Variants in PGBD5 observed in about 807,000 individuals in gnomAD.
The protein encoded by PGBD5 is piggyBac transposable element derived 5.
Under a neutral mutation model 47.9 loss-of-function variants are expected in PGBD5, and 14 were observed. The observed-to-expected ratio is 0.29, with a 90% CI of 0.19 to 0.46. PGBD5 has a LOEUF of 0.46. Among genes scored for constraint, PGBD5 ranks in the 20% least tolerant of loss-of-function variants. The pLI is 1.00. For synonymous variants in PGBD5, 316 were observed against 306.3 expected (o/e 1.03, Z -0.33); for missense variants, 635 against 716.0 (o/e 0.89, Z 1.29).
intron 2 of PGBD5, among the ~76,000 whole-genome samples, chr1:230,355,572 G>T (rs1667624853): frequency 6.6e-6 from 1 of 152,204 alleles, no homozygotes; most frequent in Non-Finnish European, 1.5e-5. Context: ...TGGTACCACA[G>T]GGCCTGTTAC....
chr1:230,411,108 C>T (rs1657397946), intron 1 of PGBD5, among the ~76,000 whole-genome samples: 1 of 151,860 alleles, frequency 6.6e-6, no homozygotes, highest in African/African-American at 2.4e-5. Context: ...AAGACCCTGT[C>T]TACAAAAAAT....
At chr1:230,339,259 T>G (rs917058924) in intron 3 of PGBD5, among the ~76,000 whole-genome samples, 2 of 152,250 alleles carry the variant, frequency 1.3e-5, no homozygotes, top group Non-Finnish European at 2.9e-5. Flanking sequence ...GGAAACAGAC[T>G]GATTCAATGT....
intron 1 of PGBD5, among the ~76,000 whole-genome samples, chr1:230,393,824 C>CA (rs34929519): frequency 0.39 from 29,629 of 76,562 alleles, 4,591 homozygotes; most frequent in South Asian, 0.47. Flanking sequence ...GACTCCGTCT[C>CA]AAAAAAAAAA....
At chr1:230,354,538 GATAAC>G (rs1342280855) in intron 2 of PGBD5, among the ~76,000 whole-genome samples, 3 of 152,114 alleles carry the variant, frequency 2.0e-5, no homozygotes, top group Non-Finnish European at 4.4e-5. Flanking sequence ...TCAATTTTTT[GATAAC>G]ATGATTATAT....
rs1666938364 is a variant in PGBD5 at position 230,316,033 on chromosome 1, CATAAGTAT to C, written c.*7384_*7391del. ...ACACATATATGTATGTGTATACATA[CATAAGTAT>C]ATGTGTACACATATATGTATGTGTA... On this transcript the variant is annotated 3_prime_UTR_variant, in exon 7 of 7. Transcript: ENST00000391860. The C allele has an allele frequency of 8.0e-6, 1 of 125,086 alleles. No individual in the cohort carries two copies. The highest frequency in any genetic ancestry group is 1.7e-5 in the Non-Finnish European group (1 of 57,838). 7.7% of individuals were successfully genotyped at this position (125,086 alleles called of 1,614,324 possible).
chr1:230,405,479 A>G (rs1657279753), intron 1 of PGBD5, among the ~76,000 whole-genome samples: 1 of 152,248 alleles, frequency 6.6e-6, no homozygotes, highest in Admixed American at 6.5e-5. Flanking sequence ...AGAATACAGT[A>G]TATAATACAC....
rs369069268 is a variant in PGBD5, at chr1:230,384,224, CAGG to C, written c.332-26906_332-26904del. 2.1e-4 allele frequency among the ~76,000 whole-genome samples: 32 copies of C among 152,226 alleles called. 1 individual carries two copies. In the East Asian group the frequency reaches 5.8e-3, roughly 28 times the overall value. ...ACGTCATGTTAACAAAAACAACAAA[CAGG>C]AGTAGTAAAAAGAGGGAACATTTGC... On this transcript the variant is annotated intron_variant, in intron 1 of 6. Coordinates refer to ENST00000391860, the MANE Select transcript of PGBD5 (RefSeq NM_001258311.2).
intron 3 of PGBD5, among the ~76,000 whole-genome samples, chr1:230,346,173 G>T (rs1667470740): frequency 1.3e-5 from 2 of 152,102 alleles, no homozygotes; most frequent in Admixed American, 6.5e-5. Flanking sequence ...CACCCAAGTA[G>T]CTGGGTCTAC....
At chr1:230,374,801 G>A (rs1222770781) in intron 1 of PGBD5, among the ~76,000 whole-genome samples, 2 of 152,154 alleles carry the variant, frequency 1.3e-5, no homozygotes, top group Admixed American at 6.5e-5. Flanking sequence ...TCCCTCCCAC[G>A]GCTGATATTC....
At chr1:230,338,384 G>T (rs184423142) in intron 3 of PGBD5, among the ~76,000 whole-genome samples, 1 of 152,202 alleles carries the variant, frequency 6.6e-6, no homozygotes, top group Non-Finnish European at 1.5e-5. Context: ...CTGCATTCCC[G>T]TTGTTTCCTT....
chr1:230,360,242 C>G (rs1035603110), intron 1 of PGBD5, among the ~76,000 whole-genome samples: 1 of 152,234 alleles, frequency 6.6e-6, no homozygotes, highest in African/African-American at 2.4e-5. Context: ...CATGAAGGAA[C>G]TGGGAAGCAG....
chr1:230,399,555 C>A (rs534242532), intron 1 of PGBD5, among the ~76,000 whole-genome samples: 1 of 152,284 alleles, frequency 6.6e-6, no homozygotes, highest in African/African-American at 2.4e-5. Context: ...CTCCTCGACA[C>A]CCCTGAATTC....
intron 1 of PGBD5, among the ~76,000 whole-genome samples, chr1:230,387,829 G>A (rs1282954374): frequency 6.6e-6 from 1 of 150,528 alleles, no homozygotes; most frequent in Non-Finnish European, 1.5e-5. Flanking sequence ...CATTCCAAAA[G>A]GTAAGGAGGT....
At chr1:230,372,604 G>T (rs1667946847) in intron 1 of PGBD5, among the ~76,000 whole-genome samples, 1 of 152,210 alleles carries the variant, frequency 6.6e-6, no homozygotes, top group African/African-American at 2.4e-5. Flanking sequence ...TGTGGATACA[G>T]TGGGAAAGGC....
Position 230,369,934 on chromosome 1 carries a change from GAC to G in PGBD5, c.332-12615_332-12614del, listed in dbSNP as rs768877463. ...TAAGGAAAAGGGTAGCTAGGATGGA[GAC>G]ACAGATATCACGATGATGGAAAGGA... On this transcript the variant is annotated intron_variant, in intron 1 of 6. Coordinates refer to ENST00000391860, the MANE Select transcript of PGBD5 (RefSeq NM_001258311.2). Among the ~76,000 whole-genome samples the G allele has an allele frequency of 9.7e-4, 148 of 152,316 alleles. 1 individual carries two copies. Among genetic ancestry groups the G allele is most frequent in the Admixed American group, 2.4e-3 (37 of 15,302 alleles).
intron 1 of PGBD5, among the ~76,000 whole-genome samples, chr1:230,361,951 G>C (rs1667750811): frequency 6.6e-6 from 1 of 152,216 alleles, no homozygotes; most frequent in Non-Finnish European, 1.5e-5. Context: ...GGAGTTGCGG[G>C]GTATTTCCAG....
At chr1:230,393,695 G>C (rs1235718791) in intron 1 of PGBD5, among the ~76,000 whole-genome samples, 1 of 151,996 alleles carries the variant, frequency 6.6e-6, no homozygotes, top group Non-Finnish European at 1.5e-5. Context: ...CGCAGTGGCG[G>C]GCGCCTGTAG....
chr1:230,360,361 T>C lies in PGBD5; in HGVS notation c.332-3040A>G, dbSNP rs372650157. 2.4e-3 allele frequency among the ~76,000 whole-genome samples: 361 copies of C among 150,894 alleles called. 5 individuals carry two copies. The highest frequency in any genetic ancestry group is 0.011 in the South Asian group (51 of 4,684). On this transcript the variant is annotated intron_variant, in intron 1 of 6. Coordinates refer to ENST00000391860, the MANE Select transcript of PGBD5 (RefSeq NM_001258311.2). Reference sequence around the variant, plus strand: ...AAGTCCTGGCACAGGTGAATCACTGTGACCTGTGGAGGGAGGGAGGGAGGG... The same window carrying C: ...AAGTCCTGGCACAGGTGAATCACTGCGACCTGTGGAGGGAGGGAGGGAGGG...
At chr1:230,358,858 A>G (rs754757595) in intron 1 of PGBD5, among the ~76,000 whole-genome samples, 20 of 152,338 alleles carry the variant, frequency 1.3e-4, no homozygotes, top group Non-Finnish European at 2.4e-4. Context: ...AGTATACTGC[A>G]TGATGTCTGC....
Sources: gnomAD v4.1 joint callset for allele counts (sites outside exome capture counted in the v4.1 genomes callset) on GRCh38, gnomAD v4.1.1 for gene constraint, MANE v1.5 for transcripts, NCBI Gene and HGNC (gene_info 2026-07-23, HGNC 2026-07-21) for gene names.